PCLO: variants seen among roughly 807,000 people sequenced by gnomAD.
The protein encoded by PCLO is protein piccolo.
In PCLO, 82 loss-of-function variants were observed where a neutral mutation model predicts 427.5. The observed-to-expected ratio is 0.19, with a 90% CI of 0.16 to 0.23. PCLO has a LOEUF of 0.23. PCLO is among the 10% of genes least tolerant of loss of function. PCLO has a pLI of 1.00. For missense variants in PCLO, 6,239 were observed against 6,115.9 expected (o/e 1.02, Z -0.67); for synonymous variants, 2,357 against 2,155.4 (o/e 1.09, Z -2.59).
chr7:82,934,686 A>G (rs1374164007), intron 6 of PCLO, among the ~76,000 whole-genome samples: 1 of 151,672 alleles, frequency 6.6e-6, no homozygotes, highest in Non-Finnish European at 1.5e-5. Flanking sequence ...AATGTTACCT[A>G]CAAAGTCAAG....
At chr7:82,833,352 AGCGAGGCCCTTC>A in intron 16 of PCLO, among the ~76,000 whole-genome samples, 1 of 152,310 alleles carries the variant, frequency 6.6e-6, no homozygotes, top group East Asian at 1.9e-4. Flanking sequence ...AGAAAACCAG[AGCGAGGCCCTTC>A]ATATATGCTC....
At position 82,953,289 on chromosome 7, in the gene PCLO, G is replaced by T. The variant is rs749947727; in HGVS notation, c.7664C>A (p.Pro2555His). Residue 2555 changes from proline to histidine, a missense_variant, in exon 5 of 25, where the codon CCT (proline) becomes CAT (histidine). Physicochemically the swap from Pro to His is moderately conservative, Grantham distance 77. Transcript: ENST00000333891. ...TGGGGAAAGTGGGGAGGTAGGGGAA[G>T]GCAATTTATAATCTGCTGAAGTCAC... Reference protein sequence around the residue: ...NLVTSADYKLPSPTSPLSPHS... With the variant: ...NLVTSADYKLHSPTSPLSPHS... 2 of 1,613,696 alleles carry T rather than the reference G, an allele frequency of 1.2e-6. No homozygotes were observed. Among genetic ancestry groups the T allele is most frequent in the Non-Finnish European group, 1.7e-6 (2 of 1,179,802 alleles).
rs189184879 is a variant in PCLO, at chr7:83,093,308, T to C, written c.3300+40942A>G. On this transcript the variant is annotated intron_variant, in intron 3 of 24. Coordinates refer to ENST00000333891, the MANE Select transcript of PCLO (RefSeq NM_033026.6). ...TTATCTAACAAAGCAGTCATCATTC[T>C]ATACTTCAAATTTTCCAAGATAAAA... Among the ~76,000 whole-genome samples, 708 of 151,496 alleles carry C rather than the reference T, an allele frequency of 4.7e-3. 5 individuals carry two copies. The highest frequency in any genetic ancestry group is 0.016 in the African/African-American group (681 of 41,380).
chr7:82,905,402 C>A (rs1794163088), intron 8 of PCLO, among the ~76,000 whole-genome samples: 1 of 151,964 alleles, frequency 6.6e-6, no homozygotes, highest in African/African-American at 2.4e-5. Context: ...GACATCCCTT[C>A]CCTCACTTAA....
intron 3 of PCLO, among the ~76,000 whole-genome samples, chr7:83,084,695 C>T (rs1790186115): frequency 6.6e-6 from 1 of 151,980 alleles, no homozygotes; most frequent in Non-Finnish European, 1.5e-5. Context: ...TATTTTCTTC[C>T]TCTCTGTCTC....
intron 4 of PCLO, among the ~76,000 whole-genome samples, chr7:82,961,173 A>G (rs1459601573): frequency 6.6e-6 from 1 of 152,236 alleles, no homozygotes; most frequent in African/African-American, 2.4e-5. Context: ...TAATAAATTA[A>G]TCATTGCAGA....
At chr7:83,067,446 G>A (rs1583979516) in intron 3 of PCLO, among the ~76,000 whole-genome samples, 1 of 152,112 alleles carries the variant, frequency 6.6e-6, no homozygotes, top group East Asian at 1.9e-4. Context: ...TCAAAGCAGG[G>A]ACTTTACTTT....
chr7:83,029,280 C>T (rs1788594032), intron 3 of PCLO, among the ~76,000 whole-genome samples: 1 of 150,674 alleles, frequency 6.6e-6, no homozygotes, highest in African/African-American at 2.5e-5. Flanking sequence ...AAAAAACAAC[C>T]CCATCAAAAA....
chr7:83,109,512 CAG>C (rs1472315680), intron 3 of PCLO, among the ~76,000 whole-genome samples: 1 of 152,056 alleles, frequency 6.6e-6, no homozygotes, highest in African/African-American at 2.4e-5. Context: ...TTGATCTTTC[CAG>C]CTGTCTGGCT....
rs757650542 is a variant in PCLO, at chr7:82,950,089, C to A, written c.10499G>T (p.Ser3500Ile). 1.1e-5 allele frequency: 17 copies of A among 1,606,492 alleles called. No individual in the cohort carries two copies. Among genetic ancestry groups the A allele is most frequent in the Non-Finnish European group, 1.4e-5 (17 of 1,177,536 alleles). ...RKARVGKYGD[S>I]MTEADKTKPL... ...TTTGGTCTTGTCAGCCTCTGTCATG[C>A]TGTCACCATATTTCCCTACACGAGC... The change falls in exon 6 of 25, where the codon AGC becomes ATC. Residue 3500 changes from serine (S) to isoleucine (I), a missense_variant. Around this residue, in one of 5 missense-constraint regions of PCLO, gnomAD observed 4,677 missense variants for 4,468.4 expected, o/e 1.05. Coordinates refer to ENST00000333891, the MANE Select transcript of PCLO (RefSeq NM_033026.6).
At chr7:82,972,780 C>T (rs560289705) in intron 3 of PCLO, among the ~76,000 whole-genome samples, 12 of 152,152 alleles carry the variant, frequency 7.9e-5, no homozygotes, top group African/African-American at 2.6e-4. Flanking sequence ...AAATTTTACA[C>T]TGGTTTTCGT....
In PCLO at chr7:83,134,796, T is replaced by G. The variant is rs1291637621; in HGVS notation, c.2754A>C (p.Ser918=). 3 of 1,613,730 alleles carry G rather than the reference T, an allele frequency of 1.9e-6. No homozygotes were observed. Among genetic ancestry groups the G allele is most frequent in the African/African-American group, 2.7e-5 (2 of 74,886 alleles). The change falls in exon 3 of 25, where the codon TCA becomes TCC. Residue 918 remains serine, a synonymous_variant. Coordinates refer to ENST00000333891, the MANE Select transcript of PCLO (RefSeq NM_033026.6). ...NLGSITDAPK[S]QPTTPQETVT... is the part of the protein sequence containing the mutation. The stretch of plus-strand genomic sequence containing the variant: ...CGGTCTCTTGAGGAGTTGTAGGCTG[T>G]GATTTGGGGGCATCAGTAATACTTC...
chr7:83,098,527 C>T (rs1293020273), intron 3 of PCLO, among the ~76,000 whole-genome samples: 2 of 152,082 alleles, frequency 1.3e-5, no homozygotes, highest in Non-Finnish European at 2.9e-5. Context: ...ATCTGTGGAA[C>T]ACTTCTGAAT....
At chr7:83,117,095 A>T (rs1186266100) in intron 3 of PCLO, among the ~76,000 whole-genome samples, 1 of 152,240 alleles carries the variant, frequency 6.6e-6, no homozygotes. Context: ...TTTTAAAAGG[A>T]GTTACTGAAA....
At chr7:83,017,346 A>G (rs1017322644) in intron 3 of PCLO, among the ~76,000 whole-genome samples, 3 of 152,070 alleles carry the variant, frequency 2.0e-5, no homozygotes, top group African/African-American at 7.2e-5. Context: ...TGAAAACTTT[A>G]CCAGGGTGTA....
chr7:83,148,619 A>C (rs1792054294), intron 2 of PCLO, among the ~76,000 whole-genome samples: 1 of 152,010 alleles, frequency 6.6e-6, no homozygotes, highest in South Asian at 2.1e-4. Flanking sequence ...CAACCAGCCC[A>C]TTGAAATTTG....
intron 15 of PCLO, 65 bp from the exon 16 acceptor site, chr7:82,835,758 ATAGT>A (rs1352259869): frequency 7.5e-6 from 9 of 1,206,646 alleles, no homozygotes; most frequent in East Asian, 7.2e-5. Context: ...CAGGAAGAAA[ATAGT>A]TAGGAACAGA....
intron 6 of PCLO, among the ~76,000 whole-genome samples, chr7:82,919,402 C>T (rs965652299): frequency 6.6e-6 from 1 of 151,916 alleles, no homozygotes; most frequent in Non-Finnish European, 1.5e-5. Context: ...TCTGTCAAGG[C>T]TGGCTCCAGA....
chr7:82,909,743 G>T (rs988444611), intron 7 of PCLO, among the ~76,000 whole-genome samples: 1 of 151,962 alleles, frequency 6.6e-6, no homozygotes, highest in Non-Finnish European at 1.5e-5. Context: ...CCATGATTAC[G>T]TAGTAGCCTA....
Sources: allele counts gnomAD v4.1 joint callset (sites outside exome capture counted in the v4.1 genomes callset), GRCh38; gene constraint gnomAD v4.1.1; regional missense constraint gnomAD v4.1.1; transcripts MANE v1.5; gene names NCBI Gene and HGNC (gene_info 2026-07-23, HGNC 2026-07-21).